The following LUZP1 variants were observed in gnomAD, a reference collection of about 807,000 sequenced individuals.
LUZP1 encodes leucine zipper protein 1, also known as filamin mechanobinding actin cross-linking protein.
Under a neutral mutation model 71.3 loss-of-function variants are expected in LUZP1, and 25 were observed. That is an observed-to-expected ratio of 0.35 (90% CI 0.26 to 0.49). LUZP1 has a LOEUF of 0.49. Among genes scored for constraint, LUZP1 ranks in the 20% least tolerant of loss-of-function variants. The probability of loss-of-function intolerance (pLI) is 0.99; values close to 1 mark genes in which losing one functional copy is unlikely to be tolerated. For missense variants in LUZP1, 1,142 were observed against 1,300.8 expected (o/e 0.88, Z 1.88); for synonymous variants, 481 against 506.4 (o/e 0.95, Z 0.67).
At chr1:23,110,628 GCACACATA>G (rs879794637) in intron 2 of LUZP1, among the ~76,000 whole-genome samples, 704 of 48,990 alleles carry the variant, frequency 0.014, 3 homozygotes, top group South Asian at 0.041. Context: ...GCATGAACGC[GCACACATA>G]CACACACACA....
rs1358946201 is a variant in LUZP1, at chr1:23,094,354, C to T, written c.-93G>A. ...CCTTTCTCTTGGCAACCACAATCTT[C>T]TTTGACAGCTGGAGACCATCATCAA... is the stretch of plus-strand genomic sequence containing the variant. On this transcript the variant is annotated 5_prime_UTR_variant, in exon 4 of 5. Transcript: ENST00000302291. This position sits in a 1 kb window ranked among gnomAD's most constrained non-coding sequence, Gnocchi z 4.7. 6 of 1,497,014 alleles carry T rather than the reference C, an allele frequency of 4.0e-6. No homozygotes were observed. In the East Asian group the frequency reaches 1.4e-4, roughly 35 times the overall value. 92.7% of individuals were successfully genotyped at this position (1,497,014 alleles called of 1,614,324 possible).
At chr1:23,144,491 T>C (rs1644328020) in intron 2 of LUZP1, among the ~76,000 whole-genome samples, 1 of 152,226 alleles carries the variant, frequency 6.6e-6, no homozygotes, top group Non-Finnish European at 1.5e-5. Flanking sequence ...ACAACTCACA[T>C]AACACCAACA....
At chr1:23,160,689 C>T (rs577911818) in intron 2 of LUZP1, among the ~76,000 whole-genome samples, 45 of 152,272 alleles carry the variant, frequency 3.0e-4, no homozygotes, top group Middle Eastern at 3.4e-3. Context: ...TACTAAAGAC[C>T]TACTATGTGC....
exon 5 of LUZP1, chr1:23,086,190 T>C (rs998548063): frequency 2.0e-5 from 3 of 152,526 alleles, no homozygotes; most frequent in Admixed American, 6.5e-5. Flanking sequence ...CTCCCAACTT[T>C]GGGATTTGAG....
At chr1:23,167,561 C>T (rs1180848236) in intron 2 of LUZP1, among the ~76,000 whole-genome samples, 5 of 152,210 alleles carry the variant, frequency 3.3e-5, no homozygotes, top group Admixed American at 2.6e-4. Flanking sequence ...TTCCCCTCTC[C>T]CACCCGCAAG....
chr1:23,170,034 G>A (rs1026780837), intron 1 of LUZP1, among the ~76,000 whole-genome samples: 1 of 151,744 alleles, frequency 6.6e-6, no homozygotes, highest in African/African-American at 2.4e-5. Context: ...CACACCCACT[G>A]CTTTCCCACA....
At chr1:23,117,454 C>CTTCT (rs1491549231) in intron 2 of LUZP1, among the ~76,000 whole-genome samples, 1 of 13,358 alleles carries the variant, frequency 7.5e-5, no homozygotes. Context: ...TTTTTTTTTT[C>CTTCT]CTCTCTCTCT....
chr1:23,110,928 G>A (rs1413872870), intron 2 of LUZP1, among the ~76,000 whole-genome samples: 4 of 151,848 alleles, frequency 2.6e-5, no homozygotes, highest in East Asian at 1.9e-4. Context: ...GGCCAGGCAC[G>A]GTGACTCACG....
chr1:23,154,239 T>G (rs1360286663), intron 2 of LUZP1, among the ~76,000 whole-genome samples: 2 of 152,126 alleles, frequency 1.3e-5, no homozygotes, highest in Non-Finnish European at 2.9e-5. Flanking sequence ...AAATCTTGAT[T>G]GTGGTGGTGG....
chr1:23,167,460 C>G (rs897701623), intron 2 of LUZP1, among the ~76,000 whole-genome samples: 12 of 152,060 alleles, frequency 7.9e-5, no homozygotes, highest in Non-Finnish European at 1.5e-4. Flanking sequence ...CTCCCAAGGT[C>G]ATTCAAGTCA....
At chr1:23,091,107 G>C in intron 4 of LUZP1, 83 bp downstream of exon 3, 1 of 1,369,676 alleles carries the variant, frequency 7.3e-7, no homozygotes, top group South Asian at 1.4e-5. Flanking sequence ...GGGTCACACA[G>C]GCCAGAGCAG....
intron 1 of LUZP1, among the ~76,000 whole-genome samples, chr1:23,169,720 G>C (rs930712573): frequency 2.6e-5 from 4 of 152,038 alleles, no homozygotes; most frequent in Non-Finnish European, 5.9e-5. Flanking sequence ...CAGGAGGAAG[G>C]CTTCAAAGAC....
chr1:23,100,545 T>C (rs1643923828), intron 3 of LUZP1, among the ~76,000 whole-genome samples: 1 of 152,190 alleles, frequency 6.6e-6, no homozygotes, highest in Non-Finnish European at 1.5e-5. Flanking sequence ...TCAGCTCTAG[T>C]TATCGGACCA....
In LUZP1 at chr1:23,152,826, C is replaced by T. The variant is rs570220392; in HGVS notation, c.-226+15940G>A. Among the ~76,000 whole-genome samples, 197 of 152,196 alleles carry T rather than the reference C, an allele frequency of 1.3e-3. 3 individuals are homozygous for T. The highest frequency in any genetic ancestry group is 4.2e-3 in the African/African-American group (174 of 41,538). Reference sequence around the variant, plus strand: ...GATTACAAGTGTGGGCCACCGTTCCCGGCCAATTCTACCAGTTTCATAAGC... The same window carrying T: ...GATTACAAGTGTGGGCCACCGTTCCTGGCCAATTCTACCAGTTTCATAAGC... On this transcript the variant is annotated intron_variant, in intron 2 of 4. Transcript: ENST00000302291.
intron 2 of LUZP1, among the ~76,000 whole-genome samples, chr1:23,162,175 T>C (rs1644472434): frequency 6.6e-6 from 1 of 151,386 alleles, no homozygotes; most frequent in African/African-American, 2.4e-5. Flanking sequence ...TTTACAAAAG[T>C]ACAAAAAAAG....
At position 23,094,370 on chromosome 1, in the gene LUZP1, C is replaced by T; in HGVS notation, c.-109G>A. ...CACAATCTTCTTTGACAGCTGGAGA[C>T]CATCATCAATCTACAAAAGGAAAGT... On this transcript the variant is annotated 5_prime_UTR_variant, in exon 4 of 5. Transcript: ENST00000302291. The surrounding 1 kb of genome is among the most constrained non-coding windows in gnomAD (Gnocchi z 4.7). The T allele has an allele frequency of 6.8e-7, 1 of 1,475,748 alleles. No homozygotes were observed. Among genetic ancestry groups the T allele is most frequent in the Non-Finnish European group, 8.9e-7 (1 of 1,118,390 alleles). The allele number at this position is 1,475,748 out of a possible 1,614,324, so 91.4% of individuals were successfully genotyped here.
chr1:23,151,979 G>A (rs1326276526), intron 2 of LUZP1, among the ~76,000 whole-genome samples: 1 of 145,914 alleles, frequency 6.9e-6, no homozygotes, highest in East Asian at 2.0e-4. Context: ...TCCAACCTGG[G>A]CAAAAAAGCA....
intron 2 of LUZP1, among the ~76,000 whole-genome samples, chr1:23,114,710 C>CTT (rs770953438): frequency 6.6e-6 from 1 of 152,242 alleles, no homozygotes; most frequent in Non-Finnish European, 1.5e-5. Context: ...AGCCAGTGAT[C>CTT]TTTTCTGACT....
chr1:23,107,453 T>A (rs6426785), intron 3 of LUZP1, among the ~76,000 whole-genome samples: 128,985 of 151,856 alleles, frequency 0.85, 55,080 homozygotes, highest in Middle Eastern at 0.89. Context: ...TAAGTGGCCA[T>A]TTTTTGTCAT....
Sources: allele counts gnomAD v4.1 joint callset (sites outside exome capture counted in the v4.1 genomes callset), GRCh38; gene constraint gnomAD v4.1.1; non-coding constraint Gnocchi (gnomAD v3.1); transcripts MANE v1.5; gene names NCBI Gene and HGNC (gene_info 2026-07-23, HGNC 2026-07-21).